SLC30A10: variants seen among roughly 807,000 people sequenced by gnomAD.
SLC30A10 encodes the protein calcium/manganese antiporter SLC30A10.
A neutral mutation model predicts 21.7 loss-of-function variants in SLC30A10; 8 were observed. The ratio of observed to expected loss-of-function variants is 0.37; its 90% CI spans 0.22 to 0.67. SLC30A10 has a LOEUF of 0.67. SLC30A10 is among the 30% of genes least tolerant of loss of function. The pLI, the probability that SLC30A10 is intolerant of heterozygous loss-of-function variation, is 0.58. For missense variants in SLC30A10, 521 were observed against 642.5 expected (o/e 0.81, Z 2.04); for synonymous variants, 272 against 279.4 (o/e 0.97, Z 0.26).
In SLC30A10 at chr1:219,928,434, G is replaced by C. The variant is rs1659902533; in HGVS notation, c.7C>G (p.Arg3Gly). The part of the protein sequence containing the change: MG[R>G]YSGKTCRLLF... ...AGCCGGCACGTCTTGCCAGAGTAGC[G>C]GCCCATCTCGCCACCAGCCCCGGGC... Residue 3 changes from arginine (R) to glycine (G), a missense_variant, in exon 1 of 4, where the codon CGC becomes GGC. Transcript: ENST00000366926. This position sits in a 1 kb window ranked among gnomAD's most constrained non-coding sequence, Gnocchi z 6.3. 6.2e-7 allele frequency: 1 copy of C among 1,607,808 alleles called. No homozygotes were observed. The highest frequency in any genetic ancestry group is 1.3e-5 in the African/African-American group (1 of 74,604).
In SLC30A10 at chr1:219,914,278, G is replaced by A. The variant is rs555230747; in HGVS notation, c.*1171C>T. 2.0e-5 allele frequency: 3 copies of A among 152,260 alleles called. No individual in the cohort carries two copies. The East Asian group carries it at 5.8e-4, about 29-fold the overall frequency. The allele number at this position is 152,260 out of a possible 1,614,324, so 9.4% of individuals were successfully genotyped here. A position where few individuals can be genotyped will look rare whatever the true frequency, so the allele number is the denominator to read the frequency against. Reference sequence around the variant, plus strand: ...TACTACCAACATAGTTTGGTTATGGGTCTGAATCCGATTATAAAAATTTTA... The same window carrying A: ...TACTACCAACATAGTTTGGTTATGGATCTGAATCCGATTATAAAAATTTTA... On this transcript the variant is annotated 3_prime_UTR_variant, in exon 4 of 4. Transcript: ENST00000366926.
intron 1 of SLC30A10, among the ~76,000 whole-genome samples, chr1:219,943,044 CAAAAAT>C (rs1660141079): frequency 6.6e-6 from 1 of 151,204 alleles, no homozygotes; most frequent in African/African-American, 2.4e-5. Flanking sequence ...GACTCTGTCT[CAAAAAT>C]AAAAATAAAA....
At position 219,911,149 on chromosome 1, in the gene SLC30A10, G is replaced by GTTTTTTTTTTGTTTTTTTTT. The variant is rs1553311741; in HGVS notation, c.*4299_*4300insAAAAAAAAACAAAAAAAAAA. ...ATGTTTCTTCATTTTTTCTACATCA[G>GTTTTTTTTTTGTTTTTTTTT]TTTTTTTTTTTTTTTTTTTTTTTTT... is the stretch of plus-strand genomic sequence containing the variant. On this transcript the variant is annotated 3_prime_UTR_variant, in exon 4 of 4. Transcript: ENST00000366926. Among the ~76,000 whole-genome samples the GTTTTTTTTTTGTTTTTTTTT allele has an allele frequency of 6.3e-4, 31 of 49,416 alleles. No individual in the cohort carries two copies. The highest frequency in any genetic ancestry group is 1.7e-3 in the East Asian group (2 of 1,184). The allele number at this position is 49,416 out of a possible 152,430, so 32.4% of individuals were successfully genotyped here.
chr1:219,928,852 G>C (rs539536769), upstream of SLC30A10, among the ~76,000 whole-genome samples: 2 of 152,294 alleles, frequency 1.3e-5, no homozygotes, highest in South Asian at 4.1e-4. The surrounding 1 kb of genome is among the most constrained non-coding windows in gnomAD (Gnocchi z 6.3). Flanking sequence ...GATTCACCCA[G>C]ACACCCCGCT....
intron 1 of SLC30A10, among the ~76,000 whole-genome samples, chr1:219,941,709 T>C (rs77405704): frequency 0.031 from 4,573 of 147,218 alleles, 102 homozygotes; most frequent in Non-Finnish European, 0.049. Flanking sequence ...TCTCTCTCTC[T>C]CCCCCTCTCC....
In SLC30A10 at chr1:219,927,038, C is replaced by A; in HGVS notation, c.708G>T (p.Leu236=). The A allele has an allele frequency of 6.2e-7, 1 of 1,613,114 alleles. No homozygotes were observed. The highest frequency in any genetic ancestry group is 1.1e-5 in the South Asian group (1 of 91,028). Residue 236 remains leucine (L), a synonymous_variant, in exon 2 of 4, where the codon CTG becomes CTT. Transcript: ENST00000366926. ...CAAAGTCAATCCTACCTCTGATATT[C>A]AGAGCTTCAGACTTTTTCTCTTTTT... ...MMKKEKKSEA[L]NIRGVLLHVM... is the part of the protein sequence containing the mutation.
chr1:219,915,501 C>T lies in SLC30A10; in HGVS notation c.1406G>A (p.Ser469Asn). The T allele has an allele frequency of 1.2e-6, 2 of 1,614,218 alleles. No individual in the cohort carries two copies. The highest frequency in any genetic ancestry group is 8.5e-7 in the Non-Finnish European group (1 of 1,180,044). The change falls in exon 4 of 4, where the codon AGT becomes AAT. Residue 469 changes from serine to asparagine, a missense_variant. Transcript: ENST00000366926. ...LDSCLSDHGQ[S>N]LNKTQEDQCY... ...TTGGTCCTCCTGAGTTTTGTTAAGA[C>T]TTTGTCCGTGGTCACTCAGACAGCT...
At chr1:219,928,671 C>G (rs2102536216), upstream of SLC30A10, 1 of 452,250 alleles carries the variant, frequency 2.2e-6, no homozygotes, top group Non-Finnish European at 3.8e-6. This position sits in a 1 kb window ranked among gnomAD's most constrained non-coding sequence, Gnocchi z 6.3. Context: ...GCCCGTGCAC[C>G]GCCTCCCGCG....
chr1:219,940,462 C>A (rs1660106257), intron 1 of SLC30A10, among the ~76,000 whole-genome samples: 2 of 152,186 alleles, frequency 1.3e-5, no homozygotes, highest in South Asian at 4.1e-4. Flanking sequence ...CCCACTGAAC[C>A]CCTGGGTTCA....
At chr1:219,942,344 C>A (rs958424455) in intron 1 of SLC30A10, among the ~76,000 whole-genome samples, 1 of 152,106 alleles carries the variant, frequency 6.6e-6, no homozygotes, top group African/African-American at 2.4e-5. Context: ...GAGATCGATG[C>A]GAGATGGAGA....
Position 219,927,941 on chromosome 1 carries a change from A to T in SLC30A10, c.500T>A (p.Phe167Tyr). 6.5e-7 allele frequency: 1 copy of T among 1,538,164 alleles called. No individual in the cohort carries two copies. The highest frequency in any genetic ancestry group is 8.8e-7 in the Non-Finnish European group (1 of 1,142,268). The change falls in exon 1 of 4, where the codon TTC becomes TAC. Residue 167 changes from phenylalanine to tyrosine, a missense_variant. Phe to Tyr is a conservative substitution (Grantham distance 22). Transcript: ENST00000366926. ...QLAEGCVPGA[F>Y]GGPQGAEDPR... The stretch of plus-strand genomic sequence containing the variant: ...GTCCTCCGCGCCCTGAGGCCCCCCG[A>T]AAGCGCCGGGGACACAGCCCTCCGC...
In SLC30A10 at chr1:219,923,977, C is replaced by T. The variant is rs1571797753; in HGVS notation, c.718+3051G>A. 3.3e-5 allele frequency among the ~76,000 whole-genome samples: 5 copies of T among 152,292 alleles called. No individual in the cohort carries two copies. In the East Asian group the frequency reaches 9.6e-4, roughly 29 times the overall value. On this transcript the variant is annotated intron_variant, in intron 2 of 3. Coordinates refer to ENST00000366926, the MANE Select transcript of SLC30A10 (RefSeq NM_018713.3). ...ACTCTGTAGGCTGAGGCAGGAGAAT[C>T]GCTTGAGCCTGGGAGGCAGTTTGTG...
At chr1:219,942,045 A>G (rs1047088877) in intron 1 of SLC30A10, among the ~76,000 whole-genome samples, 2 of 152,206 alleles carry the variant, frequency 1.3e-5, no homozygotes, top group East Asian at 1.9e-4. Flanking sequence ...TGTGGCCATA[A>G]AAAGCAATAA....
upstream of SLC30A10, among the ~76,000 whole-genome samples, chr1:219,932,062 T>A (rs1175884727): frequency 6.7e-6 from 1 of 148,658 alleles, no homozygotes; most frequent in Non-Finnish European, 1.5e-5. Context: ...AACTCAATCA[T>A]CTTTTTTTTT....
chr1:219,947,305 G>A (rs1229278722), intron 1 of SLC30A10, among the ~76,000 whole-genome samples: 2 of 152,274 alleles, frequency 1.3e-5, no homozygotes, highest in African/African-American at 4.8e-5. Flanking sequence ...AAGGTGGAAG[G>A]ATTGCTTGAG....
In SLC30A10 at chr1:219,928,413, G is replaced by T. The variant is rs764934761; in HGVS notation, c.28C>A (p.Arg10=). The change falls in exon 1 of 4, where the codon CGG becomes AGG. Residue 10 remains arginine (R), a synonymous_variant. Transcript: ENST00000366926. This position sits in a 1 kb window ranked among gnomAD's most constrained non-coding sequence, Gnocchi z 6.3. ...GTGAGCACCAGCATGAAGAGCAGCC[G>T]GCACGTCTTGCCAGAGTAGCGGCCC... The part of the protein sequence containing the change: MGRYSGKTC[R]LLFMLVLTVA... 1.2e-6 allele frequency: 2 copies of T among 1,612,684 alleles called. No homozygotes were observed. The highest frequency in any genetic ancestry group is 1.7e-5 in the Admixed American group (1 of 59,978).
chr1:219,917,606 A>G (rs1659573528), intron 3 of SLC30A10, among the ~76,000 whole-genome samples: 1 of 152,200 alleles, frequency 6.6e-6, no homozygotes, highest in African/African-American at 2.4e-5. Context: ...AGTTCTTGGC[A>G]GAAATGGCCT....
intron 1 of SLC30A10, among the ~76,000 whole-genome samples, chr1:219,934,474 A>C (rs567871907): frequency 1.3e-5 from 2 of 152,288 alleles, no homozygotes; most frequent in South Asian, 4.1e-4. Context: ...AAAAAAAAAA[A>C]AGAAGAAAAG....
rs776217802 is a variant in SLC30A10 at position 219,928,395 on chromosome 1, C to T, written c.46G>A (p.Val16Met). 2 of 1,613,402 alleles carry T rather than the reference C, an allele frequency of 1.2e-6. No individual in the cohort carries two copies. The highest frequency in any genetic ancestry group is 1.7e-6 in the Non-Finnish European group (2 of 1,179,686). Residue 16 changes from valine to methionine, a missense_variant, in exon 1 of 4, where the codon GTG (valine) becomes ATG (methionine). By Grantham distance (21) the Val-to-Met change is conservative. Coordinates refer to ENST00000366926, the MANE Select transcript of SLC30A10 (RefSeq NM_018713.3). This position sits in a 1 kb window ranked among gnomAD's most constrained non-coding sequence, Gnocchi z 6.3. ...GCCACGAAGAAGGCGACGGTGAGCA[C>T]CAGCATGAAGAGCAGCCGGCACGTC... Reference protein sequence around the residue: ...GKTCRLLFMLVLTVAFFVAEL... With the variant: ...GKTCRLLFMLMLTVAFFVAEL...
Sources: gnomAD v4.1 joint callset for allele counts (sites outside exome capture counted in the v4.1 genomes callset) on GRCh38, gnomAD v4.1.1 for gene constraint, Gnocchi (gnomAD v3.1) non-coding constraint, MANE v1.5 for transcripts, NCBI Gene and HGNC (gene_info 2026-07-23, HGNC 2026-07-21) for gene names.